Variants in PPP1R14C observed in about 807,000 individuals in gnomAD.
PPP1R14C encodes protein phosphatase 1 regulatory inhibitor subunit 14C, also known as protein phosphatase 1 regulatory subunit 14C.
PPP1R14C carries 16 observed loss-of-function variants against 20.4 expected under a neutral mutation model. That is an observed-to-expected ratio of 0.78 (90% confidence interval 0.53 to 1.19). The LOEUF is 1.19. PPP1R14C is among the 50% of genes most tolerant of loss of function. PPP1R14C has a pLI of 0.00. For missense variants in PPP1R14C, 211 were observed against 220.1 expected (o/e 0.96, Z 0.26); for synonymous variants, 91 against 91.0 (o/e 1.00, Z 0.00).
chr6:150,173,560 G>A (rs1362421835), intron 1 of PPP1R14C, among the ~76,000 whole-genome samples: 2 of 152,108 alleles, frequency 1.3e-5, no homozygotes, highest in Non-Finnish European at 1.5e-5. Flanking sequence ...TTTCCAACTT[G>A]GTCTTGCACT....
At chr6:150,183,687 ATT>A (rs1251203882) in intron 1 of PPP1R14C, among the ~76,000 whole-genome samples, 1 of 151,842 alleles carries the variant, frequency 6.6e-6, no homozygotes, top group African/African-American at 2.4e-5. Flanking sequence ...AGTTTTTTGT[ATT>A]TTTAGTAGAG....
chr6:150,235,057 A>T (rs1234331915), intron 3 of PPP1R14C, among the ~76,000 whole-genome samples: 1 of 152,180 alleles, frequency 6.6e-6, no homozygotes, highest in African/African-American at 2.4e-5. Flanking sequence ...AAATGGGAAT[A>T]AGACATCTTT....
chr6:150,218,519 A>T (rs2114913965), intron 3 of PPP1R14C, among the ~76,000 whole-genome samples: 1 of 141,996 alleles, frequency 7.0e-6, no homozygotes, highest in Non-Finnish European at 1.5e-5. Context: ...TTAAAAAGGT[A>T]ACAGTGACTT....
At chr6:150,236,389 A>G (rs9384264) in intron 3 of PPP1R14C, among the ~76,000 whole-genome samples, 11,382 of 152,202 alleles carry the variant, frequency 0.075, 492 homozygotes, top group East Asian at 0.15. Context: ...CGGGTGAGTG[A>G]ATGCATTAAA....
intron 3 of PPP1R14C, among the ~76,000 whole-genome samples, chr6:150,219,414 C>T (rs1411399137): frequency 6.6e-6 from 1 of 152,028 alleles, no homozygotes; most frequent in Non-Finnish European, 1.5e-5. Context: ...TGGGGTTTTG[C>T]CATGTTGGCC....
intron 1 of PPP1R14C, among the ~76,000 whole-genome samples, chr6:150,144,948 C>T (rs1777165796): frequency 6.6e-6 from 1 of 152,010 alleles, no homozygotes; most frequent in Non-Finnish European, 1.5e-5. Context: ...AGTGGATGTG[C>T]TCAGTCCTGC....
At chr6:150,200,599 AC>A (rs34484816) in intron 1 of PPP1R14C, among the ~76,000 whole-genome samples, 2 of 152,048 alleles carry the variant, frequency 1.3e-5, no homozygotes, top group African/African-American at 4.8e-5. Flanking sequence ...CTTTGGACAC[AC>A]CCCTAGGTGC....
chr6:150,223,369 A>C (rs547926846), intron 3 of PPP1R14C, among the ~76,000 whole-genome samples: 14 of 152,342 alleles, frequency 9.2e-5, no homozygotes, highest in African/African-American at 3.1e-4. Context: ...AATACCAAGG[A>C]GTAGGATTAC....
At chr6:150,211,785 T>G (rs976735835) in intron 1 of PPP1R14C, among the ~76,000 whole-genome samples, 1 of 152,186 alleles carries the variant, frequency 6.6e-6, no homozygotes, top group Admixed American at 6.5e-5. Flanking sequence ...TTCACTGACA[T>G]TCAGAACACC....
At chr6:150,224,508 C>T (rs191184017) in intron 3 of PPP1R14C, among the ~76,000 whole-genome samples, 9 of 152,276 alleles carry the variant, frequency 5.9e-5, no homozygotes, top group Non-Finnish European at 1.0e-4. Flanking sequence ...TTATTTCTGT[C>T]GAGATATCCT....
At chr6:150,214,237 G>T (rs1778062401) in intron 1 of PPP1R14C, among the ~76,000 whole-genome samples, 1 of 152,196 alleles carries the variant, frequency 6.6e-6, no homozygotes, top group South Asian at 2.1e-4. Context: ...GAAGGAAGAT[G>T]TGGACCCCCA....
chr6:150,195,279 TAAATG>T (rs1777789312), intron 1 of PPP1R14C: 1 of 540,442 alleles, frequency 1.9e-6, no homozygotes, highest in Non-Finnish European at 2.4e-6. Context: ...GCTAAAAAAA[TAAATG>T]AAATGCAGTT....
At chr6:150,157,719 A>G (rs571484996) in intron 1 of PPP1R14C, among the ~76,000 whole-genome samples, 1 of 152,312 alleles carries the variant, frequency 6.6e-6, no homozygotes, top group Non-Finnish European at 1.5e-5. Flanking sequence ...GGGTCAAAAC[A>G]GACCCTGCCC....
chr6:150,224,465 C>T (rs1376041159), intron 3 of PPP1R14C, among the ~76,000 whole-genome samples: 1 of 152,200 alleles, frequency 6.6e-6, no homozygotes, highest in African/African-American at 2.4e-5. Context: ...CATATTGTAT[C>T]TTCCTATCTA....
At chr6:150,207,390 T>G (rs1212040098) in intron 1 of PPP1R14C, among the ~76,000 whole-genome samples, 1 of 152,246 alleles carries the variant, frequency 6.6e-6, no homozygotes, top group East Asian at 1.9e-4. Context: ...CCTGTGCAGA[T>G]GGGTGCCCGG....
chr6:150,197,963 G>A (rs112400650), intron 1 of PPP1R14C, among the ~76,000 whole-genome samples: 2 of 77,008 alleles, frequency 2.6e-5, no homozygotes, highest in Non-Finnish European at 5.1e-5. Flanking sequence ...GCCCCTGCCC[G>A]TCACGGTGGA....
chr6:150,213,065 G>A (rs942865050), intron 1 of PPP1R14C, among the ~76,000 whole-genome samples: 2 of 151,868 alleles, frequency 1.3e-5, no homozygotes, highest in South Asian at 2.1e-4. Context: ...AAATTATGTC[G>A]AGGAGTACAA....
At chr6:150,233,854 C>G (rs1222788004) in intron 3 of PPP1R14C, among the ~76,000 whole-genome samples, 1 of 152,156 alleles carries the variant, frequency 6.6e-6, no homozygotes, top group African/African-American at 2.4e-5. Context: ...GAGCACGCAC[C>G]AGGCAGGAAC....
Position 150,218,485 on chromosome 6 carries a change from C to CCCA in PPP1R14C, c.423+1629_423+1630insCCA, listed in dbSNP as rs1491450929. Among the ~76,000 whole-genome samples, 377 of 125,716 alleles carry CCCA rather than the reference C, an allele frequency of 3.0e-3. 8 individuals carry two copies. Among genetic ancestry groups the CCCA allele is most frequent in the African/African-American group, 0.01 (351 of 34,646 alleles). 82.5% of individuals were successfully genotyped at this position (125,716 alleles called of 152,430 possible). ...ACTAATACATCTGAACCCCCCCCCC[C>CCCA]AAAAAAAAATTCTGAGGCTTATTTT... On this transcript the variant is annotated intron_variant, in intron 3 of 3. Coordinates refer to ENST00000361131, the MANE Select transcript of PPP1R14C (RefSeq NM_030949.3).
Sources: gnomAD v4.1 joint callset for allele counts (sites outside exome capture counted in the v4.1 genomes callset) on GRCh38, gnomAD v4.1.1 for gene constraint, MANE v1.5 for transcripts, NCBI Gene and HGNC (gene_info 2026-07-23, HGNC 2026-07-21) for gene names.